Variants in NFKBIE observed in about 807,000 individuals in gnomAD.
The protein encoded by NFKBIE is NFKB inhibitor epsilon.
In NFKBIE, 11 loss-of-function variants were observed where a neutral mutation model predicts 31.6. The observed-to-expected ratio is 0.35, with a 90% CI of 0.22 to 0.58. The LOEUF (loss-of-function observed/expected upper bound fraction) is 0.58, where lower values mean the gene tolerates loss of function less well. NFKBIE is among the 20% of genes least tolerant of loss of function. The pLI, the probability that NFKBIE is intolerant of heterozygous loss-of-function variation, is 0.83. For missense variants in NFKBIE, 354 were observed against 465.7 expected (o/e 0.76, Z 2.21); for synonymous variants, 208 against 210.1 (o/e 0.99, Z 0.09).
At chr6:44,262,460 A>G (rs1481983775) in intron 2 of NFKBIE, 100 bp downstream of exon 2, 4 of 986,340 alleles carry the variant, frequency 4.1e-6, no homozygotes, top group Non-Finnish European at 4.7e-6. Flanking sequence ...TGTCTGGCAT[A>G]TGGTTTCCTA....
At position 44,265,377 on chromosome 6, in the gene NFKBIE, C is replaced by G; in HGVS notation, c.-31G>C. The G allele has an allele frequency of 6.4e-7, 1 of 1,565,508 alleles. No homozygotes were observed. Among genetic ancestry groups the G allele is most frequent in the African/African-American group, 1.3e-5 (1 of 74,082 alleles). The stretch of plus-strand genomic sequence containing the variant: ...CGGCTCTGGCCGGCCGGGGCCCGGT[C>G]TGAGCAGGATCCGGCTCCAGGCTCC... On this transcript the variant is annotated 5_prime_UTR_variant, in exon 1 of 6. Coordinates refer to ENST00000619360, the MANE Select transcript of NFKBIE (RefSeq NM_004556.3).
In NFKBIE at chr6:44,259,004, T is replaced by C; in HGVS notation, c.*215A>G. 2.3e-6 allele frequency: 1 copy of C among 442,284 alleles called. No homozygotes were observed. Among genetic ancestry groups the C allele is most frequent in the Non-Finnish European group, 4.2e-6 (1 of 238,062 alleles). 27.4% of individuals were successfully genotyped at this position (442,284 alleles called of 1,614,324 possible). A position where few individuals can be genotyped will look rare whatever the true frequency, so the allele number is the denominator to read the frequency against. On this transcript the variant is annotated 3_prime_UTR_variant, in exon 6 of 6. Coordinates refer to ENST00000619360, the MANE Select transcript of NFKBIE (RefSeq NM_004556.3). ...GCTTTGGGGGTCTTCCAAGAAGCCCTGTCCACCTGGAAAGCTCTTCCTTCC... is the reference window on the plus strand; with the variant it reads ...GCTTTGGGGGTCTTCCAAGAAGCCCCGTCCACCTGGAAAGCTCTTCCTTCC...
In NFKBIE at chr6:44,265,335, C is replaced by G. The variant is rs1437374355; in HGVS notation, c.12G>C (p.Ala4=). The G allele has an allele frequency of 6.4e-7, 1 of 1,554,696 alleles. No homozygotes were observed. Among genetic ancestry groups the G allele is most frequent in the African/African-American group, 1.4e-5 (1 of 73,684 alleles). ...CCTCCGCCTCGTCCGGCCCCTTCCG[C>G]GCCTCCGACATGCCCGCGGCTCTGG... MSE[A]RKGPDEAEES... The change falls in exon 1 of 6, where the codon GCG becomes GCC. Residue 4 remains alanine (A), a synonymous_variant. Transcript: ENST00000619360.
chr6:44,263,784 CCA>C lies in NFKBIE; in HGVS notation c.366-1124_366-1123del, dbSNP rs150128045. On this transcript the variant is annotated intron_variant, in intron 1 of 5. Coordinates refer to ENST00000619360, the MANE Select transcript of NFKBIE (RefSeq NM_004556.3). The surrounding 1 kb of genome is among the most constrained non-coding windows in gnomAD (Gnocchi z 5.0). ...TGGGGAGCCCGGACATTTCTCCCCTCCACACACACACCCAATCTGGACACAAC... is the reference window on the plus strand; with the variant it reads ...TGGGGAGCCCGGACATTTCTCCCCTCCACACACACCCAATCTGGACACAAC... Among the ~76,000 whole-genome samples the C allele has an allele frequency of 1.3e-5, 2 of 152,082 alleles. No homozygotes were observed. Among genetic ancestry groups the C allele is most frequent in the African/African-American group, 4.8e-5 (2 of 41,388 alleles).
chr6:44,265,395 C>G lies in NFKBIE; in HGVS notation c.-49G>C, dbSNP rs1418103139. On this transcript the variant is annotated 5_prime_UTR_variant, in exon 1 of 6. Transcript: ENST00000619360. Reference sequence around the variant, plus strand: ...GCCCGGTCTGAGCAGGATCCGGCTCCAGGCTCCGCCGCGCCGCCTTTCCGG... The same window carrying G: ...GCCCGGTCTGAGCAGGATCCGGCTCGAGGCTCCGCCGCGCCGCCTTTCCGG... 4 of 1,552,640 alleles carry G rather than the reference C, an allele frequency of 2.6e-6. No homozygotes were observed. The highest frequency in any genetic ancestry group is 4.4e-4 in the Middle Eastern group (2 of 4,584).
Position 44,260,726 on chromosome 6 carries a change from T to G in NFKBIE, c.692-187A>C, listed in dbSNP as rs1781867091. Among the ~76,000 whole-genome samples, 1 of 151,974 alleles carries G rather than the reference T, an allele frequency of 6.6e-6. No homozygotes were observed. The highest frequency in any genetic ancestry group is 2.4e-5 in the African/African-American group (1 of 41,372). On this transcript the variant is annotated intron_variant, in intron 3 of 5. Transcript: ENST00000619360. The surrounding 1 kb of genome is among the most constrained non-coding windows in gnomAD (Gnocchi z 5.5). ...TCTAAGGGGAAAGGAACTCAAAGTT[T>G]CCACCTTTTCAGAGTCATGTTATTG...
Position 44,260,495 on chromosome 6 carries a change from G to T in NFKBIE, c.736C>A (p.Leu246Ile). The T allele has an allele frequency of 6.2e-7, 1 of 1,614,124 alleles. No individual in the cohort carries two copies. Among genetic ancestry groups the T allele is most frequent in the East Asian group, 2.2e-5 (1 of 44,876 alleles). The change falls in exon 4 of 6, where the codon CTC becomes ATC. Residue 246 changes from leucine to isoleucine, a missense_variant. Leu to Ile is a conservative substitution (Grantham distance 5, BLOSUM62 2). Coordinates refer to ENST00000619360, the MANE Select transcript of NFKBIE (RefSeq NM_004556.3). The surrounding 1 kb of genome is among the most constrained non-coding windows in gnomAD (Gnocchi z 5.5). ...CCATTCCGAAGCAGCAATTCCATGA[G>T]TGGTTGGTTCTTCTGAAGGGTGGCA... The part of the protein sequence containing the change: ...HIATLQKNQP[L>I]MELLLRNGAD...
In NFKBIE at chr6:44,261,409, T is replaced by C. The variant is rs1469645750; in HGVS notation, c.691+217A>G. ...AACTAAGTATCTTAAGGGCAAGATT[T>C]AGTTTTCTTCTCAGCAGGCAGTAGG... On this transcript the variant is annotated intron_variant, in intron 3 of 5. Coordinates refer to ENST00000619360, the MANE Select transcript of NFKBIE (RefSeq NM_004556.3). This position sits in a 1 kb window ranked among gnomAD's most constrained non-coding sequence, Gnocchi z 4.3. 2.0e-5 allele frequency among the ~76,000 whole-genome samples: 3 copies of C among 152,252 alleles called. No individual in the cohort carries two copies. Among genetic ancestry groups the C allele is most frequent in the Non-Finnish European group, 4.4e-5 (3 of 68,046 alleles).
rs1367025954 is a variant in NFKBIE, at chr6:44,261,971, AC to A, written c.469-124del. The A allele has an allele frequency of 1.5e-6, 1 of 668,924 alleles. No individual in the cohort carries two copies. The highest frequency in any genetic ancestry group is 2.3e-6 in the Non-Finnish European group (1 of 443,814). 41.4% of individuals were successfully genotyped at this position (668,924 alleles called of 1,614,324 possible). A position where few individuals can be genotyped will look rare whatever the true frequency, so the allele number is the denominator to read the frequency against. ...TTGAAAGCAGCTTATAAAGGCCATA[AC>A]CTGTTCTTCCAAGGAAATACTACCG... On this transcript the variant is annotated intron_variant, in intron 2 of 5. Coordinates refer to ENST00000619360, the MANE Select transcript of NFKBIE (RefSeq NM_004556.3). This position sits in a 1 kb window ranked among gnomAD's most constrained non-coding sequence, Gnocchi z 4.3.
At chr6:44,264,528 ACCCTGGTGGCACCC>A (rs1179803790) in intron 1 of NFKBIE, among the ~76,000 whole-genome samples, 1 of 151,892 alleles carries the variant, frequency 6.6e-6, no homozygotes, top group East Asian at 1.9e-4. Context: ...CCAAACCTAC[ACCCTGGTGGCACCC>A]CCCATGCCTA....
rs71547856 is a variant in NFKBIE, at chr6:44,260,860, G to GACACACACAC, written c.692-331_692-322dup. 7.4e-6 allele frequency among the ~76,000 whole-genome samples: 1 copy of GACACACACAC among 135,444 alleles called. No homozygotes were observed. The highest frequency in any genetic ancestry group is 1.6e-5 in the Non-Finnish European group (1 of 63,284). The allele number at this position is 135,444 out of a possible 152,430, so 88.9% of individuals were successfully genotyped here. A position where few individuals can be genotyped will look rare whatever the true frequency, so the allele number is the denominator to read the frequency against. On this transcript the variant is annotated intron_variant, in intron 3 of 5. Coordinates refer to ENST00000619360, the MANE Select transcript of NFKBIE (RefSeq NM_004556.3). This position sits in a 1 kb window ranked among gnomAD's most constrained non-coding sequence, Gnocchi z 5.5. ...ACACACACACACACACACACATACA[G>GACACACACAC]ACACACACACACACACACACACACA...
intron 2 of NFKBIE, among the ~76,000 whole-genome samples, chr6:44,262,194 G>A (rs1781946796): frequency 6.6e-6 from 1 of 152,176 alleles, no homozygotes; most frequent in Non-Finnish European, 1.5e-5. Context: ...CAGGAGGAAA[G>A]ATAGAGGCAC....
At chr6:44,262,448 AGT>A (rs2153332575) in intron 2 of NFKBIE, 110 bp downstream of exon 2, 1 of 858,644 alleles carries the variant, frequency 1.2e-6, no homozygotes, top group East Asian at 2.6e-5. Context: ...TTTCTAGCTC[AGT>A]GTCTGGCATA....
Position 44,258,846 on chromosome 6 carries a change from T to A in NFKBIE, c.*373A>T, listed in dbSNP as rs1018495047. The A allele has an allele frequency of 5.3e-6, 1 of 188,418 alleles. No individual in the cohort carries two copies. The highest frequency in any genetic ancestry group is 1.1e-5 in the Non-Finnish European group (1 of 88,140). 11.7% of individuals were successfully genotyped at this position (188,418 alleles called of 1,614,324 possible). ...CCTCTCAGGGTTCTGCTTGCTCCTA[T>A]TTCAGTCTCTTCTCACTCAGGAGAG... On this transcript the variant is annotated 3_prime_UTR_variant, in exon 6 of 6. Coordinates refer to ENST00000619360, the MANE Select transcript of NFKBIE (RefSeq NM_004556.3).
In NFKBIE at chr6:44,263,189, C is replaced by T. The variant is rs1781984593; in HGVS notation, c.366-527G>A. On this transcript the variant is annotated intron_variant, in intron 1 of 5. Coordinates refer to ENST00000619360, the MANE Select transcript of NFKBIE (RefSeq NM_004556.3). The surrounding 1 kb of genome is among the most constrained non-coding windows in gnomAD (Gnocchi z 5.0). ...GGAGACAGTGCAGCATCCTGTCCTG[C>T]TGCCCTTCCCTGGGAGTCAAGAGGC... is the stretch of plus-strand genomic sequence containing the variant. 6.6e-6 allele frequency among the ~76,000 whole-genome samples: 1 copy of T among 152,252 alleles called. No individual in the cohort carries two copies. Among genetic ancestry groups the T allele is most frequent in the Admixed American group, 6.5e-5 (1 of 15,290 alleles).
chr6:44,264,977 C>G lies in NFKBIE; in HGVS notation c.365+5G>C. 6.4e-7 allele frequency: 1 copy of G among 1,561,708 alleles called. No homozygotes were observed. Among genetic ancestry groups the G allele is most frequent in the Non-Finnish European group, 8.7e-7 (1 of 1,153,346 alleles). On this transcript the variant is annotated splice_donor_5th_base_variant and intron_variant, in intron 1 of 5. Transcript: ENST00000619360. ...ATCCCGATTCAGCCTAGCCCCCATA[C>G]TCACGTGTCTCCGTCCTCGGAGATG... is the stretch of plus-strand genomic sequence containing the variant.
In NFKBIE at chr6:44,262,657, A is replaced by G. The variant is rs1781962452; in HGVS notation, c.371T>C (p.Val124Ala). The G allele has an allele frequency of 6.2e-7, 1 of 1,613,956 alleles. No homozygotes were observed. The highest frequency in any genetic ancestry group is 2.2e-5 in the East Asian group (1 of 44,878). The change falls in exon 2 of 6, where the codon GTC becomes GCC. Residue 124 changes from valine (V) to alanine (A), a missense_variant. Physicochemically the swap from Val to Ala is moderately conservative, Grantham distance 64. Transcript: ENST00000619360. ...TYISEDGDTL[V>A]HLAVIHEAPA... Reference sequence around the variant, plus strand: ...GGCCTCATGAATCACTGCCAGGTGGACCAGCCTAGGGGAGCAGAGGCGGGG... The same window carrying G: ...GGCCTCATGAATCACTGCCAGGTGGGCCAGCCTAGGGGAGCAGAGGCGGGG...
In NFKBIE at chr6:44,260,601, C is replaced by G; in HGVS notation, c.692-62G>C. 2 of 1,504,672 alleles carry G rather than the reference C, an allele frequency of 1.3e-6. No homozygotes were observed. Among genetic ancestry groups the G allele is most frequent in the South Asian group, 2.3e-5 (2 of 88,508 alleles). 93.2% of individuals were successfully genotyped at this position (1,504,672 alleles called of 1,614,324 possible). ...TCTGCATCCACCAACTCCCTCTCTT[C>G]TGGGACCTCCCTACCACTCAGCCCC... is the stretch of plus-strand genomic sequence containing the variant. On this transcript the variant is annotated intron_variant, in intron 3 of 5. Coordinates refer to ENST00000619360, the MANE Select transcript of NFKBIE (RefSeq NM_004556.3). This position sits in a 1 kb window ranked among gnomAD's most constrained non-coding sequence, Gnocchi z 5.5.
rs1304362940 is a variant in NFKBIE at position 44,265,136 on chromosome 6, A to G, written c.211T>C (p.Ser71Pro). 1.3e-6 allele frequency: 2 copies of G among 1,552,438 alleles called. No homozygotes were observed. The highest frequency in any genetic ancestry group is 3.9e-5 in the Admixed American group (2 of 51,032). The change falls in exon 1 of 6, where the codon TCC (serine) becomes CCC (proline). Residue 71 changes from serine (S) to proline (P), a missense_variant. Ser to Pro is a moderately conservative substitution (Grantham distance 74). Coordinates refer to ENST00000619360, the MANE Select transcript of NFKBIE (RefSeq NM_004556.3). ...KEDADGERADSTYGSSSLTYT... is the reference protein window; with the variant it reads ...KEDADGERADPTYGSSSLTYT... ...GTGAGCGAGGAGGAGCCATAGGTGGAATCAGCCCGCTCCCCATCCGCGTCT... is the reference window on the plus strand; with the variant it reads ...GTGAGCGAGGAGGAGCCATAGGTGGGATCAGCCCGCTCCCCATCCGCGTCT...
Sources: allele counts gnomAD v4.1 joint callset (sites outside exome capture counted in the v4.1 genomes callset), GRCh38; gene constraint gnomAD v4.1.1; non-coding constraint Gnocchi (gnomAD v3.1); transcripts MANE v1.5; gene names NCBI Gene and HGNC (gene_info 2026-07-23, HGNC 2026-07-21).